FARP1: variants seen among roughly 807,000 people sequenced by gnomAD.
The protein encoded by FARP1 is FERM, ARHGEF and pleckstrin domain-containing protein 1.
Under a neutral mutation model 128.8 loss-of-function variants are expected in FARP1, and 52 were observed. That is an observed-to-expected ratio of 0.40 (90% CI 0.32 to 0.51). The LOEUF is 0.51. Among genes scored for constraint, FARP1 ranks in the 20% least tolerant of loss-of-function variants. The pLI is 0.45. For missense variants in FARP1, 1,333 were observed against 1,367.9 expected (o/e 0.97, Z 0.40); for synonymous variants, 580 against 551.8 (o/e 1.05, Z -0.72).
At chr13:98,255,690 C>T (rs1338982941) in intron 2 of FARP1, among the ~76,000 whole-genome samples, 1 of 152,194 alleles carries the variant, frequency 6.6e-6, no homozygotes, top group African/African-American at 2.4e-5. Flanking sequence ...AGTTCCCCTA[C>T]CTAGCAGATT....
chr13:98,408,776 T>A (rs1336519904), intron 13 of FARP1, among the ~76,000 whole-genome samples: 1 of 152,224 alleles, frequency 6.6e-6, no homozygotes, highest in African/African-American at 2.4e-5. Flanking sequence ...TGCTAGTGTT[T>A]CTGTCCCAAA....
chr13:98,150,836 T>C (rs934973216), intron 1 of FARP1, among the ~76,000 whole-genome samples: 6 of 152,094 alleles, frequency 3.9e-5, no homozygotes, highest in African/African-American at 1.4e-4. Flanking sequence ...ATCAAATAAA[T>C]AGATTTAAAG....
intron 3 of FARP1, among the ~76,000 whole-genome samples, chr13:98,360,742 C>G (rs909595255): frequency 6.6e-6 from 1 of 152,172 alleles, no homozygotes; most frequent in Non-Finnish European, 1.5e-5. Context: ...TTGAATCCTA[C>G]TGATGGGCAA....
At chr13:98,191,436 C>A (rs1382623179) in intron 1 of FARP1, among the ~76,000 whole-genome samples, 1 of 152,124 alleles carries the variant, frequency 6.6e-6, no homozygotes, top group Admixed American at 6.5e-5. Context: ...GAGAACTCTT[C>A]CACCATGTAA....
chr13:98,308,136 G>A (rs1401933912), intron 2 of FARP1, among the ~76,000 whole-genome samples: 2 of 145,650 alleles, frequency 1.4e-5, no homozygotes, highest in African/African-American at 2.6e-5. Context: ...TTTTCCTCCT[G>A]TGGCTCCACA....
chr13:98,274,699 C>T (rs886266448), intron 2 of FARP1, among the ~76,000 whole-genome samples: 6 of 152,046 alleles, frequency 3.9e-5, no homozygotes, highest in Admixed American at 1.3e-4. Context: ...TCAAAGTGAC[C>T]GGATGGTCCC....
chr13:98,189,967 C>T (rs745465317), intron 1 of FARP1, among the ~76,000 whole-genome samples: 9 of 152,086 alleles, frequency 5.9e-5, no homozygotes, highest in African/African-American at 1.7e-4. Flanking sequence ...CAAATTATAC[C>T]GTGTTTCCTT....
At chr13:98,335,235 A>G (rs1804569769) in intron 2 of FARP1, among the ~76,000 whole-genome samples, 1 of 152,190 alleles carries the variant, frequency 6.6e-6, no homozygotes, top group South Asian at 2.1e-4. Flanking sequence ...CACTGCTGTT[A>G]AAGACATACT....
intron 2 of FARP1, among the ~76,000 whole-genome samples, chr13:98,279,076 C>T (rs1884807528): frequency 6.6e-6 from 1 of 151,174 alleles, no homozygotes; most frequent in Non-Finnish European, 1.5e-5. Flanking sequence ...ACCTCGTTAT[C>T]TGCCCGCCTC....
intron 6 of FARP1, chr13:98,382,301 TC>T (rs1032994475): frequency 6.6e-6 from 1 of 152,148 alleles, no homozygotes; most frequent in African/African-American, 2.4e-5. Context: ...GCAGCCTATT[TC>T]CACATTTCAA....
Position 98,385,748 on chromosome 13 carries a change from G to C in FARP1, c.693G>C (p.Pro231=). 1 of 1,614,198 alleles carries C rather than the reference G, an allele frequency of 6.2e-7. No homozygotes were observed. Among genetic ancestry groups the C allele is most frequent in the Non-Finnish European group, 8.5e-7 (1 of 1,180,040 alleles). ...RLEMYGIRLH[P]AKDREGTKIN... ...AGATGTATGGAATCCGGTTGCACCC[G>C]GCCAAGGACAGGGAAGGCACGAAGA... Residue 231 remains proline, a synonymous_variant, in exon 8 of 27, where the codon CCG becomes CCC. Transcript: ENST00000319562.
At chr13:98,351,985 A>G (rs1248803726) in intron 3 of FARP1, among the ~76,000 whole-genome samples, 1 of 152,196 alleles carries the variant, frequency 6.6e-6, no homozygotes, top group Non-Finnish European at 1.5e-5. Context: ...TAAAGAAAAA[A>G]TACATAGAAA....
At chr13:98,420,639 G>A (rs974945486) in intron 16 of FARP1, among the ~76,000 whole-genome samples, 1 of 152,184 alleles carries the variant, frequency 6.6e-6, no homozygotes, top group African/African-American at 2.4e-5. Context: ...ACTTTACATG[G>A]TTTTCCTAAG....
chr13:98,404,025 C>G, intron 13 of FARP1: 1 of 152,870 alleles, frequency 6.5e-6, no homozygotes, highest in Non-Finnish European at 1.5e-5. Context: ...ACCATCACCA[C>G]CACCACTGCT....
At chr13:98,269,689 G>A (rs1170104393) in intron 2 of FARP1, among the ~76,000 whole-genome samples, 1 of 152,222 alleles carries the variant, frequency 6.6e-6, no homozygotes, top group African/African-American at 2.4e-5. Flanking sequence ...CAAGGAAGGG[G>A]TTGGGGAAGA....
intron 18 of FARP1, chr13:98,433,174 C>T (rs1260195046): frequency 1.3e-5 from 2 of 152,160 alleles, no homozygotes; most frequent in Non-Finnish European, 1.5e-5. Context: ...CCACTGCGCC[C>T]CATGGACCCC....
intron 2 of FARP1, chr13:98,233,556 G>C (rs1199922846): frequency 6.6e-6 from 1 of 152,162 alleles, no homozygotes. Context: ...ACTTGTCCAC[G>C]GGTACCATGA....
At chr13:98,273,121 T>C (rs749196603) in intron 2 of FARP1, among the ~76,000 whole-genome samples, 2 of 152,104 alleles carry the variant, frequency 1.3e-5, no homozygotes, top group Non-Finnish European at 2.9e-5. Context: ...TTAGTATGCG[T>C]TGGTTTGCCC....
At position 98,388,417 on chromosome 13, in the gene FARP1, A is replaced by C. The variant is rs1295470484; in HGVS notation, c.794A>C (p.Lys265Thr). The C allele has an allele frequency of 5.0e-6, 8 of 1,614,000 alleles. No individual in the cohort carries two copies. The highest frequency in any genetic ancestry group is 6.8e-6 in the Non-Finnish European group (8 of 1,179,982). ...FTKINAFNWA[K>T]VRKLSFKRKR... ...AAGATCAATGCCTTCAACTGGGCCA[A>C]GGTGCGGAAGCTGAGCTTCAAGAGG... The change falls in exon 9 of 27, where the codon AAG becomes ACG. Residue 265 changes from lysine (K) to threonine (T), a missense_variant. By Grantham distance (78) the Lys-to-Thr change is moderately conservative. Around this residue, in one of 2 missense-constraint regions of FARP1, gnomAD observed 324 missense variants for 398.1 expected, o/e 0.81. Transcript: ENST00000319562.
Sources: allele counts gnomAD v4.1 joint callset (sites outside exome capture counted in the v4.1 genomes callset), GRCh38; gene constraint gnomAD v4.1.1; regional missense constraint gnomAD v4.1.1; transcripts MANE v1.5; gene names NCBI Gene and HGNC (gene_info 2026-07-23, HGNC 2026-07-21).